Variants in PXDNL observed in about 807,000 individuals in gnomAD.
PXDNL encodes peroxidasin like.
PXDNL carries 145 observed loss-of-function variants against 150.8 expected under a neutral mutation model. The ratio of observed to expected loss-of-function variants is 0.96; its 90% CI spans 0.84 to 1.10. The LOEUF (loss-of-function observed/expected upper bound fraction) is 1.10, where lower values mean the gene tolerates loss of function less well. Among genes scored for constraint, PXDNL ranks in the 50% least tolerant of loss-of-function variants. The pLI, the probability that PXDNL is intolerant of heterozygous loss-of-function variation, is 0.00. For missense variants in PXDNL, 2,087 were observed against 1,873.9 expected (o/e 1.11, Z -2.10); for synonymous variants, 757 against 725.7 (o/e 1.04, Z -0.69).
intron 8 of PXDNL, among the ~76,000 whole-genome samples, chr8:51,469,396 CT>C (rs1371555231): frequency 6.6e-6 from 1 of 151,774 alleles, no homozygotes; most frequent in East Asian, 1.9e-4. Context: ...CTATCATTAC[CT>C]TTTCAAATGT....
chr8:51,482,146 G>A (rs771610186), intron 6 of PXDNL, among the ~76,000 whole-genome samples: 2 of 152,330 alleles, frequency 1.3e-5, no homozygotes, highest in Admixed American at 6.5e-5. Flanking sequence ...AAAGCCACAG[G>A]AGCAGAGCTG....
chr8:51,418,616 T>C (rs1379206033), intron 14 of PXDNL, among the ~76,000 whole-genome samples: 1 of 152,214 alleles, frequency 6.6e-6, no homozygotes, highest in Non-Finnish European at 1.5e-5. Flanking sequence ...TTAATTAATG[T>C]ATAGCATTTG....
At chr8:51,467,278 T>C (rs1309764577) in intron 8 of PXDNL, among the ~76,000 whole-genome samples, 1 of 152,122 alleles carries the variant, frequency 6.6e-6, no homozygotes, top group East Asian at 1.9e-4. Flanking sequence ...CTAAGTGAAC[T>C]AATGCAGGAA....
chr8:51,354,377 A>G (rs1325440637), intron 19 of PXDNL, among the ~76,000 whole-genome samples: 1 of 152,146 alleles, frequency 6.6e-6, no homozygotes, highest in African/African-American at 2.4e-5. Flanking sequence ...GTAGATTGGT[A>G]ACAAGGACTT....
chr8:51,559,987 CA>C (rs1205240557), intron 3 of PXDNL, among the ~76,000 whole-genome samples: 1 of 151,410 alleles, frequency 6.6e-6, no homozygotes, highest in Non-Finnish European at 1.5e-5. Flanking sequence ...GATAGAAATA[CA>C]AAACCTAGAA....
At chr8:51,671,202 G>A (rs1047668405) in intron 1 of PXDNL, among the ~76,000 whole-genome samples, 7 of 152,188 alleles carry the variant, frequency 4.6e-5, no homozygotes, top group African/African-American at 9.7e-5. Context: ...GGAAGAGATC[G>A]ACAGATAGAA....
intron 17 of PXDNL, among the ~76,000 whole-genome samples, chr8:51,393,938 A>T (rs937949669): frequency 2.0e-5 from 3 of 152,212 alleles, no homozygotes; most frequent in African/African-American, 7.2e-5. Flanking sequence ...TTTTTAAGGC[A>T]TCTATTTTAT....
chr8:51,490,645 T>C (rs938225838), intron 5 of PXDNL, among the ~76,000 whole-genome samples: 2 of 149,630 alleles, frequency 1.3e-5, no homozygotes, highest in African/African-American at 2.4e-5. Context: ...TACATATATA[T>C]ACATATATAT....
chr8:51,533,463 T>TA (rs1811951789), intron 4 of PXDNL, among the ~76,000 whole-genome samples: 1 of 149,414 alleles, frequency 6.7e-6, no homozygotes, highest in African/African-American at 2.5e-5. Flanking sequence ...ATACACTGTT[T>TA]AAAGTTTGAG....
At chr8:51,744,070 G>A (rs1466400986) in intron 1 of PXDNL, among the ~76,000 whole-genome samples, 1 of 63,824 alleles carries the variant, frequency 1.6e-5, no homozygotes, top group African/African-American at 7.9e-5. Context: ...AGGAAGGAAG[G>A]AAGGAAGGAA....
intron 2 of PXDNL, among the ~76,000 whole-genome samples, chr8:51,644,171 T>C (rs1226503884): frequency 1.3e-5 from 2 of 149,120 alleles, no homozygotes; most frequent in Non-Finnish European, 3.0e-5. Flanking sequence ...TAAATAAAGT[T>C]AAATAAGTAA....
rs116273923 is a variant in PXDNL at position 51,326,226 on chromosome 8, G to A, written c.4147-5329C>T. On this transcript the variant is annotated intron_variant, in intron 21 of 22. Coordinates refer to ENST00000356297, the MANE Select transcript of PXDNL (RefSeq NM_144651.5). ...CTATAATCAAGAGGCGTCTGTGTGC[G>A]GTGGCTCATGCCTGTAGTCCCAGCA... Among the ~76,000 whole-genome samples the A allele has an allele frequency of 4.0e-3, 615 of 152,244 alleles. 3 individuals carry two copies. Among genetic ancestry groups the A allele is most frequent in the African/African-American group, 0.014 (563 of 41,550 alleles).
intron 2 of PXDNL, among the ~76,000 whole-genome samples, chr8:51,635,381 G>A (rs1277443223): frequency 6.6e-6 from 1 of 151,922 alleles, no homozygotes; most frequent in African/African-American, 2.4e-5. Context: ...TAAGATTAGA[G>A]TGGAGATAAA....
At chr8:51,626,979 C>T (rs908101694) in intron 2 of PXDNL, among the ~76,000 whole-genome samples, 2 of 152,102 alleles carry the variant, frequency 1.3e-5, no homozygotes, top group Non-Finnish European at 2.9e-5. Flanking sequence ...TATATTGAAT[C>T]CATATTTTCT....
chr8:51,364,232 CT>C (rs1806844245), intron 19 of PXDNL, among the ~76,000 whole-genome samples: 1 of 152,174 alleles, frequency 6.6e-6, no homozygotes, highest in South Asian at 2.1e-4. Flanking sequence ...AACCTGAAGA[CT>C]GAATTTTCTG....
At chr8:51,353,955 A>G (rs954819696) in intron 19 of PXDNL, among the ~76,000 whole-genome samples, 7 of 152,110 alleles carry the variant, frequency 4.6e-5, no homozygotes, top group African/African-American at 1.7e-4. Context: ...TGTTAATGGT[A>G]TAGAGTTAAA....
chr8:51,409,515 G>A lies in PXDNL; in HGVS notation c.2109C>T (p.Ile703=), dbSNP rs370538869. ...GAGCTGTGCATCCAGATAAATTGGC[G>A]ATGAGGCTGAGGGAGCGCGGGGACA... ...DLVSPRSLSL[I]ANLSGCTARR... The change falls in exon 17 of 23, where the codon ATC becomes ATT. Residue 703 remains isoleucine (I), a synonymous_variant. Coordinates refer to ENST00000356297, the MANE Select transcript of PXDNL (RefSeq NM_144651.5). 10 of 1,610,282 alleles carry A rather than the reference G, an allele frequency of 6.2e-6. No individual in the cohort carries two copies. The highest frequency in any genetic ancestry group is 5.1e-5 in the Admixed American group (3 of 59,360).
intron 3 of PXDNL, among the ~76,000 whole-genome samples, chr8:51,557,180 A>G (rs1381080524): frequency 6.6e-6 from 1 of 152,188 alleles, no homozygotes; most frequent in Non-Finnish European, 1.5e-5. Context: ...TAATGGAGTC[A>G]TATATACTGA....
At chr8:51,676,063 G>T (rs1815615322) in intron 1 of PXDNL, among the ~76,000 whole-genome samples, 1 of 152,148 alleles carries the variant, frequency 6.6e-6, no homozygotes, top group African/African-American at 2.4e-5. Flanking sequence ...TTATAACAGG[G>T]TTAAGATAAT....
Sources: gnomAD v4.1 joint callset for allele counts (sites outside exome capture counted in the v4.1 genomes callset) on GRCh38, gnomAD v4.1.1 for gene constraint, MANE v1.5 for transcripts, NCBI Gene and HGNC (gene_info 2026-07-23, HGNC 2026-07-21) for gene names.